CSMD1: variants seen among roughly 807,000 people sequenced by gnomAD.
CSMD1 encodes the protein CUB and sushi domain-containing protein 1.
CSMD1 carries 213 observed loss-of-function variants against 417.5 expected under a neutral mutation model. The observed-to-expected ratio is 0.51, with a 90% CI of 0.46 to 0.57. The LOEUF is 0.57. Ranked by LOEUF, CSMD1 falls within the 20% of genes least tolerant of loss-of-function variation. The pLI is 0.00. For missense variants in CSMD1, 6,923 were observed against 4,529.7 expected, an observed-to-expected ratio of 1.53 and a Z score of -15.17; for synonymous variants, 2,862 against 1,736.8, an observed-to-expected ratio of 1.65 and a Z score of -16.11.
chr8:4,695,680 C>T (rs1807082282), intron 1 of CSMD1, among the ~76,000 whole-genome samples: 1 of 152,114 alleles, frequency 6.6e-6, no homozygotes, highest in African/African-American at 2.4e-5. Flanking sequence ...TAGGTTGATA[C>T]ATCATTATCA....
chr8:4,146,274 C>G (rs189077161), intron 3 of CSMD1, among the ~76,000 whole-genome samples: 3 of 150,938 alleles, frequency 2.0e-5, no homozygotes, highest in African/African-American at 7.4e-5. Flanking sequence ...CAGTAATTCG[C>G]GTAGTGCAGT....
At chr8:3,521,467 C>G (rs1373044914) in intron 10 of CSMD1, among the ~76,000 whole-genome samples, 1 of 152,142 alleles carries the variant, frequency 6.6e-6, no homozygotes, top group African/African-American at 2.4e-5. Context: ...CTTCATGGCC[C>G]ATAGCATTGT....
At position 4,421,984 on chromosome 8, in the gene CSMD1, A is replaced by T. The variant is rs116069497; in HGVS notation, c.303-1919T>A. ...CATCAAATATTACTATGAACTCAGAATTCATCATAAAGATAATAAAAGTTA... is the reference window on the plus strand; with the variant it reads ...CATCAAATATTACTATGAACTCAGATTTCATCATAAAGATAATAAAAGTTA... On this transcript the variant is annotated intron_variant, in intron 2 of 69. Transcript: ENST00000635120. Among the ~76,000 whole-genome samples, 1,442 of 152,212 alleles carry T rather than the reference A, an allele frequency of 9.5e-3. 24 individuals carry two copies. Among genetic ancestry groups the T allele is most frequent in the African/African-American group, 0.033 (1,377 of 41,554 alleles).
intron 1 of CSMD1, among the ~76,000 whole-genome samples, chr8:4,822,048 T>A (rs1307904721): frequency 2.0e-5 from 3 of 152,168 alleles, no homozygotes; most frequent in East Asian, 1.9e-4. Flanking sequence ...ATTCCCTCTT[T>A]CCCTTTTCTA....
chr8:4,377,535 A>T (rs193200223), intron 3 of CSMD1, among the ~76,000 whole-genome samples: 23 of 152,242 alleles, frequency 1.5e-4, no homozygotes, highest in Non-Finnish European at 3.2e-4. Context: ...GAACTAATAT[A>T]TACTCAAAGT....
At chr8:3,252,010 A>T (rs1196231976) in intron 26 of CSMD1, among the ~76,000 whole-genome samples, 2 of 152,230 alleles carry the variant, frequency 1.3e-5, no homozygotes, top group African/African-American at 4.8e-5. Flanking sequence ...TCATCTGCAA[A>T]CAGGGACAAT....
At chr8:3,078,364 G>A (rs901976833) in intron 49 of CSMD1, among the ~76,000 whole-genome samples, 10 of 152,164 alleles carry the variant, frequency 6.6e-5, no homozygotes, top group African/African-American at 2.4e-4. Flanking sequence ...CATGGACAGA[G>A]GAAATGCGTT....
intron 3 of CSMD1, among the ~76,000 whole-genome samples, chr8:4,361,520 C>T (rs989195850): frequency 6.6e-6 from 1 of 152,142 alleles, no homozygotes; most frequent in African/African-American, 2.4e-5. Flanking sequence ...CCTGCAAGAT[C>T]AGGTAACGAC....
chr8:3,497,020 A>G (rs181045938), intron 10 of CSMD1, among the ~76,000 whole-genome samples: 138 of 152,292 alleles, frequency 9.1e-4, no homozygotes, highest in Admixed American at 5.0e-3. Flanking sequence ...TATGATTTAG[A>G]TTTTTAAAAA....
intron 26 of CSMD1, among the ~76,000 whole-genome samples, chr8:3,276,451 G>C (rs1802298191): frequency 6.6e-6 from 1 of 152,220 alleles, no homozygotes; most frequent in East Asian, 1.9e-4. Flanking sequence ...CATGGTGGCA[G>C]AGAAGAGAGA....
chr8:3,754,523 C>G (rs1026891706), intron 5 of CSMD1, among the ~76,000 whole-genome samples: 6 of 151,950 alleles, frequency 3.9e-5, no homozygotes, highest in Admixed American at 3.9e-4. Context: ...GGTGCGATCT[C>G]GGCTCACTGC....
rs115276878 is a variant in CSMD1 at position 4,490,333 on chromosome 8, T to C, written c.303-70268A>G. Among the ~76,000 whole-genome samples, 868 of 152,182 alleles carry C rather than the reference T, an allele frequency of 5.7e-3. 9 individuals carry two copies. The highest frequency in any genetic ancestry group is 0.02 in the African/African-American group (836 of 41,524). On this transcript the variant is annotated intron_variant, in intron 2 of 69. Transcript: ENST00000635120. ...GGGATTACAGGCATGAGCCACCATA[T>C]CCAGCCCAGATATCTTGTAAGTGCA...
intron 2 of CSMD1, among the ~76,000 whole-genome samples, chr8:4,438,910 T>C (rs1238635052): frequency 2.0e-5 from 3 of 152,226 alleles, no homozygotes; most frequent in Non-Finnish European, 4.4e-5. Flanking sequence ...AGTTTAAGTA[T>C]GCATAAGTAA....
intron 57 of CSMD1, among the ~76,000 whole-genome samples, chr8:2,968,057 T>A (rs550939578): frequency 6.6e-6 from 1 of 152,360 alleles, no homozygotes; most frequent in South Asian, 2.1e-4. Flanking sequence ...CTGGTTGGCA[T>A]ATGAGTTGGG....
rs538083488 is a variant in CSMD1, at chr8:4,239,256, C to T, written c.415+180697G>A. On this transcript the variant is annotated intron_variant, in intron 3 of 69. Coordinates refer to ENST00000635120, the MANE Select transcript of CSMD1 (RefSeq NM_033225.6). ...ACTCAGAATTCCATTACAGTGGATG[C>T]TGAGGTTGGATGTACTCTGTTGCAT... 2.1e-3 allele frequency among the ~76,000 whole-genome samples: 324 copies of T among 152,312 alleles called. 1 individual carries two copies. The highest frequency in any genetic ancestry group is 4.2e-3 in the Non-Finnish European group (283 of 68,022).
At chr8:3,485,037 C>G (rs1222227732) in intron 11 of CSMD1, among the ~76,000 whole-genome samples, 4 of 152,192 alleles carry the variant, frequency 2.6e-5, no homozygotes, top group Non-Finnish European at 5.9e-5. Context: ...AACCAACATA[C>G]AACTCAAGCA....
At chr8:3,801,300 G>T (rs1478234329) in intron 5 of CSMD1, among the ~76,000 whole-genome samples, 24 of 152,006 alleles carry the variant, frequency 1.6e-4, no homozygotes, top group South Asian at 2.1e-4. Context: ...TTGGGAAAAA[G>T]ATTTAAATAG....
At chr8:4,703,188 C>G (rs1163278255) in intron 1 of CSMD1, among the ~76,000 whole-genome samples, 1 of 152,080 alleles carries the variant, frequency 6.6e-6, no homozygotes, top group Non-Finnish European at 1.5e-5. Flanking sequence ...ATTTTCTTTA[C>G]AAAATTCAGT....
chr8:3,517,034 G>A (rs1301392307), intron 10 of CSMD1, among the ~76,000 whole-genome samples: 1 of 152,198 alleles, frequency 6.6e-6, no homozygotes, highest in African/African-American at 2.4e-5. Context: ...AGGAGCTGGT[G>A]TGGTGTCAGA....
Sources: gnomAD v4.1 joint callset for allele counts (sites outside exome capture counted in the v4.1 genomes callset) on GRCh38, gnomAD v4.1.1 for gene constraint, MANE v1.5 for transcripts, NCBI Gene and HGNC (gene_info 2026-07-23, HGNC 2026-07-21) for gene names.